GFY: variants seen among roughly 807,000 people sequenced by gnomAD.
GFY encodes Golgi-associated olfactory signaling regulator.
A neutral mutation model predicts 29.1 loss-of-function variants in GFY; 28 were observed. The observed-to-expected ratio is 0.96, with a 90% confidence interval of 0.71 to 1.32. The LOEUF (loss-of-function observed/expected upper bound fraction) is 1.32. Among genes scored for constraint, GFY ranks in the 40% most tolerant of loss-of-function variants. The probability of loss-of-function intolerance (pLI) is 0.00; values close to 1 mark genes in which losing one functional copy is unlikely to be tolerated. For missense variants in GFY, 656 were observed against 661.9 expected (o/e 0.99, Z 0.10); for synonymous variants, 277 against 274.5 (o/e 1.01, Z -0.09).
upstream of GFY, among the ~76,000 whole-genome samples, chr19:49,424,620 G>T (rs1465269746): frequency 6.6e-6 from 1 of 151,990 alleles, no homozygotes; most frequent in East Asian, 1.9e-4. Flanking sequence ...GAAGGCCGTG[G>T]TGGGTGGATC....
At chr19:49,428,535 C>T (rs1600980057) in intron 3 of GFY, 84 bp from the exon 4 acceptor site, 1 of 1,081,162 alleles carries the variant, frequency 9.2e-7, no homozygotes, top group Non-Finnish European at 1.2e-6. Flanking sequence ...GATCGGTCGG[C>T]CGCACAAAAG....
Position 49,426,854 on chromosome 19 carries a change from A to G in GFY, c.424A>G (p.Thr142Ala). The change falls in exon 2 of 4, where the codon ACT (threonine) becomes GCT (alanine). Residue 142 changes from threonine to alanine, a missense_variant. Transcript: ENST00000610896. ...ESSETPTPGP[T>A]EMPHPGSPET... ...TTCTGAGACCCCCACACCTGGCCCA[A>G]CTGAAATGCCACACCCAGGATCCCC... The G allele has an allele frequency of 6.5e-7, 1 of 1,535,478 alleles. No individual in the cohort carries two copies. Among genetic ancestry groups the G allele is most frequent in the Non-Finnish European group, 8.7e-7 (1 of 1,146,736 alleles).
chr19:49,425,641 C>A (rs752683865), intron 1 of GFY, among the ~76,000 whole-genome samples, 152 bp downstream of exon 1: 5 of 152,160 alleles, frequency 3.3e-5, no homozygotes, highest in Non-Finnish European at 7.3e-5. Flanking sequence ...CTTGAGAGTC[C>A]TGCCCCAAAG....
chr19:49,423,991 A>C (rs1477423665), upstream of GFY: 3 of 152,288 alleles, frequency 2.0e-5, no homozygotes, highest in Admixed American at 2.0e-4. Flanking sequence ...CAGCAGCGAG[A>C]GGCCCAGAAA....
chr19:49,426,497 C>G lies in GFY; in HGVS notation c.67C>G (p.Pro23Ala). The change falls in exon 2 of 4, where the codon CCC becomes GCC. Residue 23 changes from proline (P) to alanine (A), a missense_variant. Pro to Ala is a conservative substitution (Grantham distance 27). Transcript: ENST00000610896. ...LLAGLRSKAA[P>A]SAPLPLGCGF... ...CGCCGGCCTGAGGTCCAAGGCCGCT[C>G]CCTCAGCCCCTCTGCCTTTGGGCTG... 1.3e-6 allele frequency: 2 copies of G among 1,536,180 alleles called. No individual in the cohort carries two copies. Among genetic ancestry groups the G allele is most frequent in the South Asian group, 2.4e-5 (2 of 84,064 alleles).
Position 49,427,056 on chromosome 19 carries a change from C to T in GFY, c.626C>T (p.Pro209Leu), listed in dbSNP as rs1317426410. The T allele has an allele frequency of 3.9e-6, 6 of 1,535,804 alleles. No individual in the cohort carries two copies. The South Asian group carries it at 7.1e-5, about 18-fold the overall frequency. ...ETSNTNPTKT[P>L]DPKSPEKHDL... ...TCAAACACTAACCCTACCAAGACCCCTGACCCCAAATCCCCAGAAAAGCAT... is the reference window on the plus strand; with the variant it reads ...TCAAACACTAACCCTACCAAGACCCTTGACCCCAAATCCCCAGAAAAGCAT... The change falls in exon 2 of 4, where the codon CCT (proline) becomes CTT (leucine). Residue 209 changes from proline (P) to leucine (L), a missense_variant. By Grantham distance (98) the Pro-to-Leu change is moderately conservative. Transcript: ENST00000610896.
Position 49,428,616 on chromosome 19 carries a change from C to G in GFY, c.1358-3C>G. The G allele has an allele frequency of 6.8e-7, 1 of 1,474,796 alleles. No homozygotes were observed. The allele number at this position is 1,474,796 out of a possible 1,614,324, so 91.4% of individuals were successfully genotyped here. A position where few individuals can be genotyped will look rare whatever the true frequency, so the allele number is the denominator to read the frequency against. On this transcript the variant is annotated splice_region_variant and splice_polypyrimidine_tract_variant and intron_variant, in intron 3 of 3. Transcript: ENST00000610896. ...AGATGACCACGCCCCTTTGCACCCA[C>G]AGTTCTGCATTTGGACGCCCCGAAA...
intron 1 of GFY, among the ~76,000 whole-genome samples, chr19:49,426,024 C>T (rs1243117303): frequency 6.6e-6 from 1 of 152,178 alleles, no homozygotes; most frequent in African/African-American, 2.4e-5. Context: ...ACTGTTGAGT[C>T]AAGGTGTCCC....
At chr19:49,427,892 T>TG in intron 2 of GFY, 54 bp from the exon 3 acceptor site, 2 of 1,501,090 alleles carry the variant, frequency 1.3e-6, no homozygotes, top group South Asian at 2.5e-5. Flanking sequence ...CTTGGACCCC[T>TG]GGGTCTGAGA....
chr19:49,425,001 G>T (rs571497006), upstream of GFY, among the ~76,000 whole-genome samples: 73 of 152,092 alleles, frequency 4.8e-4, no homozygotes, highest in African/African-American at 1.8e-3. Context: ...TCTAAGAGTG[G>T]ATGGGACAGG....
In GFY at chr19:49,426,674, C is replaced by G. The variant is rs112467902; in HGVS notation, c.244C>G (p.Pro82Ala). 808 of 1,536,144 alleles carry G rather than the reference C, an allele frequency of 5.3e-4. 4 individuals carry two copies. The African/African-American group carries it at 8.9e-3, about 17-fold the overall frequency. ...TCATACGGTTTCCCTGGAAACCTTC[C>G]CACTTGACTTCACTGAGCCCCTCAA... ...LPHTVSLETF[P>A]LDFTEPLNPD... The change falls in exon 2 of 4, where the codon CCA becomes GCA. Residue 82 changes from proline to alanine, a missense_variant. By Grantham distance (27) the Pro-to-Ala change is conservative. Coordinates refer to ENST00000610896, the MANE Select transcript of GFY (RefSeq NM_001195256.2).
chr19:49,427,643 T>C (rs1244494015), intron 2 of GFY, 30 bp downstream of exon 2: 13 of 1,052,876 alleles, frequency 1.2e-5, no homozygotes, highest in African/African-American at 3.4e-5. Context: ...CTCCTGAGTC[T>C]GAGGGAGGGG....
chr19:49,425,574 C>G (rs920201510), intron 1 of GFY, 85 bp downstream of exon 1: 3 of 152,428 alleles, frequency 2.0e-5, no homozygotes, highest in African/African-American at 4.8e-5. Flanking sequence ...ACCTATGCTT[C>G]TCTGCCCAGA....
intron 3 of GFY, 45 bp from the exon 4 acceptor site, chr19:49,428,574 C>A (rs1334934334): frequency 1.5e-6 from 2 of 1,369,344 alleles, no homozygotes; most frequent in East Asian, 5.6e-5. Flanking sequence ...GGAAGGGGGC[C>A]TGGAGGGTCA....
chr19:49,424,587 A>AT (rs1975054295), upstream of GFY, among the ~76,000 whole-genome samples: 1 of 147,568 alleles, frequency 6.8e-6, no homozygotes, highest in Non-Finnish European at 1.5e-5. Context: ...GCTGTGGCTC[A>AT]TGCCTGTAAT....
chr19:49,426,586 C>T lies in GFY; in HGVS notation c.156C>T (p.Ser52=), dbSNP rs1485417588. 1.2e-5 allele frequency: 18 copies of T among 1,536,092 alleles called. No homozygotes were observed. In the East Asian group the frequency reaches 3.7e-4, roughly 31 times the overall value. ...TSPLKGASEN[S]KRDRLNPEFP... Reference sequence around the variant, plus strand: ...CTCTGAAGGGTGCTTCTGAAAATTCCAAACGAGATCGCCTTAACCCAGAAT... The same window carrying T: ...CTCTGAAGGGTGCTTCTGAAAATTCTAAACGAGATCGCCTTAACCCAGAAT... The change falls in exon 2 of 4, where the codon TCC becomes TCT. Residue 52 remains serine (S), a synonymous_variant. Transcript: ENST00000610896.
At chr19:49,426,051 G>A (rs538127898) in intron 1 of GFY, among the ~76,000 whole-genome samples, 1 of 152,328 alleles carries the variant, frequency 6.6e-6, no homozygotes, top group East Asian at 1.9e-4. Flanking sequence ...CCTCGGAGAG[G>A]AAGGAGATCC....
rs1457051716 is a variant in GFY, at chr19:49,426,755, T to G, written c.325T>G (p.Ser109Ala). The part of the protein sequence containing the change: ...PESPETPKAD[S>A]LTTSISESLD... ...GTCTCCTGAGACCCCCAAAGCTGACTCACTCACAACCTCAATATCAGAATC... is the reference window on the plus strand; with the variant it reads ...GTCTCCTGAGACCCCCAAAGCTGACGCACTCACAACCTCAATATCAGAATC... Residue 109 changes from serine to alanine, a missense_variant, in exon 2 of 4, where the codon TCA becomes GCA. Transcript: ENST00000610896. The G allele has an allele frequency of 3.9e-6, 6 of 1,528,242 alleles. No individual in the cohort carries two copies. Among genetic ancestry groups the G allele is most frequent in the Middle Eastern group, 1.7e-4 (1 of 5,994 alleles). The allele number at this position is 1,528,242 out of a possible 1,614,324, so 94.7% of individuals were successfully genotyped here.
Position 49,428,103 on chromosome 19 carries a change from C to G in GFY, c.1341C>G (p.Asp447Glu), listed in dbSNP as rs1475877509. 1.3e-6 allele frequency: 2 copies of G among 1,532,768 alleles called. No homozygotes were observed. The highest frequency in any genetic ancestry group is 3.9e-5 in the Admixed American group (2 of 50,938). The allele number at this position is 1,532,768 out of a possible 1,614,324, so 94.9% of individuals were successfully genotyped here. A position where few individuals can be genotyped will look rare whatever the true frequency, so the allele number is the denominator to read the frequency against. ...CCTTCGCACATCACCGGCTTCCGGA[C>G]GACGGAGATGAACCGGGTGAGCGCC... ...QRPFAHHRLP[D>E]DGDEPVLHLD... is the part of the protein sequence containing the mutation. Residue 447 changes from aspartate (D) to glutamate (E), a missense_variant, in exon 3 of 4, where the codon GAC becomes GAG. Asp to Glu is a conservative substitution (Grantham distance 45, BLOSUM62 2). Coordinates refer to ENST00000610896, the MANE Select transcript of GFY (RefSeq NM_001195256.2).
Sources: allele counts gnomAD v4.1 joint callset (sites outside exome capture counted in the v4.1 genomes callset), GRCh38; gene constraint gnomAD v4.1.1; transcripts MANE v1.5; gene names NCBI Gene and HGNC (gene_info 2026-07-23, HGNC 2026-07-21).